Variants in ERC2 observed in about 807,000 individuals in gnomAD.
ERC2 encodes ELKS/RAB6-interacting/CAST family member 2.
ERC2 carries 42 observed loss-of-function variants against 114.8 expected under a neutral mutation model. The ratio of observed to expected loss-of-function variants is 0.37; its 90% CI spans 0.29 to 0.47. ERC2 has a LOEUF of 0.47. Among genes scored for constraint, ERC2 ranks in the 20% least tolerant of loss-of-function variants. ERC2 has a pLI of 0.99. For synonymous variants in ERC2, 454 were observed against 425.5 expected (o/e 1.07, Z -0.82); for missense variants, 939 against 1,150.7 (o/e 0.82, Z 2.66).
intron 3 of ERC2, among the ~76,000 whole-genome samples, chr3:56,179,058 T>TAAA (rs34820943): frequency 3.8e-5 from 5 of 132,492 alleles, no homozygotes; most frequent in African/African-American, 1.1e-4. Context: ...GTTGATGAGC[T>TAAA]AAAAAAAAAA....
chr3:56,465,392 C>T (rs1207406465), intron 1 of ERC2, among the ~76,000 whole-genome samples: 1 of 152,042 alleles, frequency 6.6e-6, no homozygotes, highest in Non-Finnish European at 1.5e-5. Context: ...AGCAAGACTC[C>T]ATTTCAAAAA....
At chr3:56,437,622 A>G (rs1020516624) in intron 1 of ERC2, among the ~76,000 whole-genome samples, 2 of 152,206 alleles carry the variant, frequency 1.3e-5, no homozygotes, top group African/African-American at 4.8e-5. Context: ...TAACTAAAGA[A>G]CTTCATTTCA....
intron 6 of ERC2, among the ~76,000 whole-genome samples, chr3:56,127,019 T>C (rs2079916694): frequency 6.6e-6 from 1 of 152,098 alleles, no homozygotes; most frequent in Admixed American, 6.5e-5. Context: ...GTATCATTTA[T>C]ATAGGCTAAT....
intron 17 of ERC2, among the ~76,000 whole-genome samples, chr3:55,534,311 C>T (rs2053852857): frequency 6.6e-6 from 1 of 151,738 alleles, no homozygotes; most frequent in Admixed American, 6.6e-5. Context: ...TGGCTGTGGT[C>T]CCAGGTACTT....
chr3:55,561,676 T>C (rs1237021389), intron 17 of ERC2, among the ~76,000 whole-genome samples: 2 of 152,190 alleles, frequency 1.3e-5, no homozygotes, highest in Non-Finnish European at 2.9e-5. Flanking sequence ...GCTACTCGCT[T>C]TTTTTCTTGC....
intron 13 of ERC2, among the ~76,000 whole-genome samples, chr3:55,909,455 A>G (rs1470081335): frequency 6.6e-6 from 1 of 152,190 alleles, no homozygotes; most frequent in East Asian, 1.9e-4. Context: ...ATGAGTTTGA[A>G]TAAGCAGGGA....
chr3:55,565,187 T>C (rs1351933783), intron 17 of ERC2, among the ~76,000 whole-genome samples: 1 of 152,238 alleles, frequency 6.6e-6, no homozygotes, highest in Non-Finnish European at 1.5e-5. Flanking sequence ...TTCACAATTA[T>C]TTTAGCATTT....
intron 6 of ERC2, among the ~76,000 whole-genome samples, chr3:56,094,035 C>A (rs1456169346): frequency 6.6e-6 from 1 of 152,156 alleles, no homozygotes. Context: ...CAGCAAAGAT[C>A]TTCTTTAAAT....
chr3:55,887,192 C>T (rs1449991401), intron 14 of ERC2, among the ~76,000 whole-genome samples: 4 of 152,088 alleles, frequency 2.6e-5, no homozygotes, highest in Non-Finnish European at 5.9e-5. Context: ...CACCTCTGAA[C>T]TGAGTATAAT....
intron 7 of ERC2, among the ~76,000 whole-genome samples, chr3:56,051,816 C>A (rs1269743239): frequency 7.3e-6 from 1 of 137,840 alleles, no homozygotes; most frequent in Non-Finnish European, 1.5e-5. Flanking sequence ...CAGAGTGAGA[C>A]TCCATCTCAA....
intron 3 of ERC2, among the ~76,000 whole-genome samples, chr3:56,272,732 T>C (rs970816970): frequency 3.3e-5 from 5 of 152,164 alleles, no homozygotes; most frequent in African/African-American, 1.2e-4. Flanking sequence ...ACCATGCCAT[T>C]GCACTCCAGC....
intron 2 of ERC2, among the ~76,000 whole-genome samples, chr3:56,364,740 A>C (rs2059086835): frequency 6.6e-6 from 1 of 152,232 alleles, no homozygotes; most frequent in Non-Finnish European, 1.5e-5. Flanking sequence ...AACTTTAAGC[A>C]AGATAAAAAT....
chr3:55,691,276 C>T (rs1042788447), intron 16 of ERC2, among the ~76,000 whole-genome samples: 1 of 151,994 alleles, frequency 6.6e-6, no homozygotes, highest in African/African-American at 2.4e-5. Flanking sequence ...CTCCAATCTA[C>T]TTGTGAGAAA....
At chr3:55,544,772 T>C (rs1455835433) in intron 17 of ERC2, among the ~76,000 whole-genome samples, 2 of 152,136 alleles carry the variant, frequency 1.3e-5, no homozygotes, top group East Asian at 3.9e-4. Flanking sequence ...CACAACCATA[T>C]ACAAATCATC....
At chr3:55,796,077 T>C (rs1312470406) in intron 14 of ERC2, among the ~76,000 whole-genome samples, 1 of 152,150 alleles carries the variant, frequency 6.6e-6, no homozygotes, top group Non-Finnish European at 1.5e-5. Context: ...TTGTGGTGGT[T>C]GAGGGGGGAG....
At chr3:56,203,057 A>C (rs562103705) in intron 3 of ERC2, among the ~76,000 whole-genome samples, 1 of 152,348 alleles carries the variant, frequency 6.6e-6, no homozygotes, top group East Asian at 1.9e-4. Flanking sequence ...CAAGCTAAGA[A>C]AGCTCTTGGG....
At chr3:56,418,499 T>C (rs2061259298) in intron 2 of ERC2, among the ~76,000 whole-genome samples, 1 of 152,194 alleles carries the variant, frequency 6.6e-6, no homozygotes, top group Non-Finnish European at 1.5e-5. Context: ...TGCCACTTGC[T>C]AAATGTAACT....
intron 10 of ERC2, among the ~76,000 whole-genome samples, chr3:56,002,726 ATATTGAATTGTTTGC>A (rs942954964): frequency 3.3e-5 from 5 of 152,136 alleles, no homozygotes; most frequent in Non-Finnish European, 5.9e-5. Flanking sequence ...AATAAAACAG[ATATTGAATTGTTTGC>A]TATTTTACAA....
chr3:55,575,222 T>C (rs2056915856), intron 17 of ERC2, among the ~76,000 whole-genome samples: 1 of 152,138 alleles, frequency 6.6e-6, no homozygotes, highest in South Asian at 2.1e-4. Context: ...TTCACCATGT[T>C]GGGCAGGCTG....
Sources: allele counts gnomAD v4.1 joint callset (sites outside exome capture counted in the v4.1 genomes callset), GRCh38; gene constraint gnomAD v4.1.1; transcripts MANE v1.5; gene names NCBI Gene and HGNC (gene_info 2026-07-23, HGNC 2026-07-21).